PRLR: variants seen among roughly 807,000 people sequenced by gnomAD.
PRLR encodes the protein hPRL receptor.
PRLR carries 13 observed loss-of-function variants against 40.2 expected under a neutral mutation model. That is an observed-to-expected ratio of 0.32 (90% CI 0.21 to 0.51). The LOEUF is 0.51. Among genes scored for constraint, PRLR ranks in the 20% least tolerant of loss-of-function variants. The probability of loss-of-function intolerance (pLI) is 0.97; values close to 1 mark genes in which losing one functional copy is unlikely to be tolerated. For missense variants in PRLR, 656 were observed against 747.3 expected (o/e 0.88, Z 1.42); for synonymous variants, 269 against 278.7 (o/e 0.97, Z 0.35).
In PRLR at chr5:35,060,861, C is replaced by G. The variant is rs528027749; in HGVS notation, c.*4228G>C. 6.6e-6 allele frequency: 1 copy of G among 152,268 alleles called. No individual in the cohort carries two copies. The highest frequency in any genetic ancestry group is 1.9e-4 in the East Asian group (1 of 5,186). The allele number at this position is 152,268 out of a possible 1,614,324, so 9.4% of individuals were successfully genotyped here. A position where few individuals can be genotyped will look rare whatever the true frequency, so the allele number is the denominator to read the frequency against. ...TTCTCTTCAGGTTTAGGCATGTAAGCCAATGACATTCAAAAATGTATCAAT... is the reference window on the plus strand; with the variant it reads ...TTCTCTTCAGGTTTAGGCATGTAAGGCAATGACATTCAAAAATGTATCAAT... On this transcript the variant is annotated 3_prime_UTR_variant, in exon 10 of 10. Transcript: ENST00000618457.
intron 1 of PRLR, among the ~76,000 whole-genome samples, chr5:35,199,785 C>T (rs1775831358): frequency 2.0e-5 from 3 of 152,078 alleles, no homozygotes; most frequent in African/African-American, 4.8e-5. Context: ...TTTGTTACTC[C>T]CTTATCCTCC....
chr5:35,084,623 C>T lies in PRLR; in HGVS notation c.220G>A (p.Glu74Lys). Residue 74 changes from glutamate to lysine, a missense_variant, in exon 5 of 10, where the codon GAA (glutamate) becomes AAA (lysine). By Grantham distance (56) the Glu-to-Lys change is moderately conservative (BLOSUM62 1). Around this residue, in one of 3 missense-constraint regions of PRLR, gnomAD observed 180 missense variants for 236.8 expected, o/e 0.76. Coordinates refer to ENST00000618457, the MANE Select transcript of PRLR (RefSeq NM_000949.7). The stretch of plus-strand genomic sequence containing the variant: ...CCACCGGTTATGTAGTCTGGACATT[C>T]ATGCATGAGTGTCTCTCTGCAATAA... ...YHREGETLMH[E>K]CPDYITGGPN... The T allele has an allele frequency of 6.2e-7, 1 of 1,610,198 alleles. No homozygotes were observed. The highest frequency in any genetic ancestry group is 8.5e-7 in the Non-Finnish European group (1 of 1,178,582).
chr5:35,214,488 T>A (rs1776240364), intron 1 of PRLR, among the ~76,000 whole-genome samples: 1 of 152,174 alleles, frequency 6.6e-6, no homozygotes, highest in Non-Finnish European at 1.5e-5. Flanking sequence ...GATGAGAAGT[T>A]TCTCAACCAT....
chr5:35,181,750 C>T (rs1402046304), intron 1 of PRLR, among the ~76,000 whole-genome samples: 1 of 152,162 alleles, frequency 6.6e-6, no homozygotes, highest in Non-Finnish European at 1.5e-5. Context: ...GAGAGAAATA[C>T]CTGTGCCAAT....
rs149519114 is a variant in PRLR at position 35,166,367 on chromosome 5, A to G, written c.-105-48245T>C. On this transcript the variant is annotated intron_variant, in intron 1 of 9. Transcript: ENST00000618457. The stretch of plus-strand genomic sequence containing the variant: ...GATAGCATGGCTTGTTTAATGTGAC[A>G]ACTGGATTTTGTAATAACAATGTAC... Among the ~76,000 whole-genome samples the G allele has an allele frequency of 2.6e-3, 396 of 152,328 alleles. 5 individuals are homozygous for G. The East Asian group carries it at 0.036, about 14-fold the overall frequency.
At chr5:35,107,234 G>T (rs1303276258) in intron 2 of PRLR, among the ~76,000 whole-genome samples, 1 of 152,222 alleles carries the variant, frequency 6.6e-6, no homozygotes, top group Non-Finnish European at 1.5e-5. Context: ...GCAGTGTGTA[G>T]AGGGAAATTT....
intron 2 of PRLR, among the ~76,000 whole-genome samples, 180 bp downstream of exon 2, chr5:35,117,881 C>A (rs555212535): frequency 6.6e-6 from 1 of 152,168 alleles, no homozygotes; most frequent in Admixed American, 6.5e-5. Context: ...TTTTTCTGAG[C>A]TGGACAGGCT....
chr5:35,175,252 T>A (rs1306217238), intron 1 of PRLR, among the ~76,000 whole-genome samples: 1 of 152,172 alleles, frequency 6.6e-6, no homozygotes. Context: ...TAGTGAATAA[T>A]TCTCACAAGA....
intron 1 of PRLR, among the ~76,000 whole-genome samples, chr5:35,212,228 A>C (rs1344033777): frequency 6.6e-6 from 1 of 152,230 alleles, no homozygotes; most frequent in Admixed American, 6.5e-5. Context: ...CCCATTAACC[A>C]GTCATCTGAT....
chr5:35,080,759 A>G (rs1301341346), intron 5 of PRLR, among the ~76,000 whole-genome samples: 1 of 152,124 alleles, frequency 6.6e-6, no homozygotes, highest in Non-Finnish European at 1.5e-5. Flanking sequence ...TTATTGCGGC[A>G]CTATTCACAA....
chr5:35,086,332 G>T lies in PRLR; in HGVS notation c.79C>A (p.Pro27Thr). 1 of 1,613,256 alleles carries T rather than the reference G, an allele frequency of 6.2e-7. No homozygotes were observed. ...LNTCLLNGQL[P>T]PGKPEIFKCR... is the part of the protein sequence containing the mutation. Reference sequence around the variant, plus strand: ...TTAAAGATCTCAGGTTTTCCAGGAGGTAACTGTCCTAGAAAAAGCCAGAAG... The same window carrying T: ...TTAAAGATCTCAGGTTTTCCAGGAGTTAACTGTCCTAGAAAAAGCCAGAAG... Residue 27 changes from proline (P) to threonine (T), a missense_variant, in exon 4 of 10, where the codon CCT becomes ACT. Pro to Thr is a conservative substitution (Grantham distance 38). Transcript: ENST00000618457.
intron 2 of PRLR, among the ~76,000 whole-genome samples, chr5:35,107,416 CA>C (rs1450127033): frequency 6.6e-6 from 1 of 151,390 alleles, no homozygotes; most frequent in Non-Finnish European, 1.5e-5. Context: ...AAAAGCTCTT[CA>C]AAAAATTAGT....
intron 1 of PRLR, among the ~76,000 whole-genome samples, chr5:35,226,256 G>C (rs1410259752): frequency 5.3e-5 from 8 of 152,172 alleles, no homozygotes; most frequent in African/African-American, 1.9e-4. Context: ...TTATCTCAAA[G>C]CCCACATGCT....
At chr5:35,085,022 C>T (rs1404201999) in intron 4 of PRLR, among the ~76,000 whole-genome samples, 1 of 152,210 alleles carries the variant, frequency 6.6e-6, no homozygotes, top group Non-Finnish European at 1.5e-5. Flanking sequence ...TGTCCACACA[C>T]AGAGGGGTCA....
At chr5:35,048,955 C>T (rs1442916266) in exon 9 of PRLR, 2 of 383,246 alleles carry the variant, frequency 5.2e-6, no homozygotes, top group Non-Finnish European at 5.2e-6. Context: ...GTAAGGGAGA[C>T]AACTGACTTG....
At chr5:35,218,227 C>T (rs1036409188) in intron 1 of PRLR, among the ~76,000 whole-genome samples, 9 of 152,126 alleles carry the variant, frequency 5.9e-5, no homozygotes, top group South Asian at 2.1e-4. Context: ...GTAAGAAATA[C>T]CTGACACATA....
chr5:35,190,043 T>C (rs546029913), intron 1 of PRLR, among the ~76,000 whole-genome samples: 3 of 152,264 alleles, frequency 2.0e-5, no homozygotes, highest in South Asian at 2.1e-4. Flanking sequence ...GAGAGCCCCA[T>C]TGCCTTGGAC....
chr5:35,101,425 T>C (rs1022593093), intron 2 of PRLR, among the ~76,000 whole-genome samples: 7 of 152,302 alleles, frequency 4.6e-5, no homozygotes, highest in Non-Finnish European at 1.0e-4. Context: ...CAAGGGCAGA[T>C]GGATGATGAA....
intron 1 of PRLR, among the ~76,000 whole-genome samples, chr5:35,210,013 C>T (rs1381781022): frequency 6.6e-6 from 1 of 152,164 alleles, no homozygotes; most frequent in South Asian, 2.1e-4. Flanking sequence ...GGACTGGTCT[C>T]TCTCATTCTC....
Sources: allele counts gnomAD v4.1 joint callset (sites outside exome capture counted in the v4.1 genomes callset), GRCh38; gene constraint gnomAD v4.1.1; regional missense constraint gnomAD v4.1.1; transcripts MANE v1.5; gene names NCBI Gene and HGNC (gene_info 2026-07-23, HGNC 2026-07-21).